The following RB1CC1 variants were observed in gnomAD, a reference collection of about 807,000 sequenced individuals.
The protein encoded by RB1CC1 is RB1-inducible coiled-coil protein 1.
In RB1CC1, 46 loss-of-function variants were observed where a neutral mutation model predicts 177.5. The ratio of observed to expected loss-of-function variants is 0.26; its 90% CI spans 0.20 to 0.33. RB1CC1 has a LOEUF of 0.33. Among genes scored for constraint, RB1CC1 ranks in the 10% least tolerant of loss-of-function variants. RB1CC1 has a pLI of 1.00. For missense variants in RB1CC1, 1,703 were observed against 1,816.3 expected (o/e 0.94, Z 1.13); for synonymous variants, 666 against 613.6 (o/e 1.09, Z -1.26).
In RB1CC1 at chr8:52,657,586, G is replaced by C. The variant is rs1851190322; in HGVS notation, c.2243C>G (p.Pro748Arg). 2 of 1,613,940 alleles carry C rather than the reference G, an allele frequency of 1.2e-6. No homozygotes were observed. Among genetic ancestry groups the C allele is most frequent in the Non-Finnish European group, 1.7e-6 (2 of 1,180,040 alleles). ...EFVIEENLSS[P>R]NPISDPQSPE... is the part of the protein sequence containing the mutation. ...GCTTTGTGGATCACTTATAGGATTA[G>C]GAGACGACAAATTTTCTTCTATTAC... Residue 748 changes from proline (P) to arginine (R), a missense_variant, in exon 15 of 24, where the codon CCT (proline) becomes CGT (arginine). Pro to Arg is a moderately radical substitution (Grantham distance 103). Coordinates refer to ENST00000025008, the MANE Select transcript of RB1CC1 (RefSeq NM_014781.5).
intron 7 of RB1CC1, among the ~76,000 whole-genome samples, chr8:52,669,461 G>C (rs1441298389): frequency 1.3e-5 from 2 of 152,032 alleles, no homozygotes; most frequent in Non-Finnish European, 2.9e-5. Flanking sequence ...TTAATGCATA[G>C]AGTCTTGTAC....
intron 1 of RB1CC1, among the ~76,000 whole-genome samples, chr8:52,689,933 A>G (rs577897370): frequency 2.0e-4 from 30 of 152,278 alleles, no homozygotes; most frequent in African/African-American, 7.2e-4. Context: ...CTCTTTCTCA[A>G]AAGAAAAAAA....
At chr8:52,674,804 G>A (rs1852946630) in intron 6 of RB1CC1, among the ~76,000 whole-genome samples, 1 of 150,572 alleles carries the variant, frequency 6.6e-6, no homozygotes, top group Non-Finnish European at 1.5e-5. Flanking sequence ...AAGTAAAGTA[G>A]CTATACTAAA....
chr8:52,683,210 ATT>A (rs1204981679), intron 5 of RB1CC1, among the ~76,000 whole-genome samples: 3 of 152,154 alleles, frequency 2.0e-5, no homozygotes, highest in African/African-American at 7.2e-5. Context: ...AAATAAATAC[ATT>A]TTTAGAGCTA....
At chr8:52,689,754 T>A (rs1288311167) in intron 1 of RB1CC1, among the ~76,000 whole-genome samples, 1 of 152,076 alleles carries the variant, frequency 6.6e-6, no homozygotes, top group Non-Finnish European at 1.5e-5. Flanking sequence ...GGGGCAGTTT[T>A]CCACGCTTAG....
chr8:52,682,556 C>T, intron 5 of RB1CC1, among the ~76,000 whole-genome samples: 1 of 151,956 alleles, frequency 6.6e-6, no homozygotes, highest in Non-Finnish European at 1.5e-5. Context: ...TTTCTTTTTA[C>T]TTTCTTGTTT....
chr8:52,700,572 G>T (rs1320189509), intron 1 of RB1CC1, among the ~76,000 whole-genome samples: 1 of 151,994 alleles, frequency 6.6e-6, no homozygotes, highest in African/African-American at 2.4e-5. Flanking sequence ...TCAGCAACAT[G>T]TTCTTAATTA....
chr8:52,668,278 G>A, intron 7 of RB1CC1, 87 bp from the exon 8 acceptor site: 1 of 1,420,512 alleles, frequency 7.0e-7, no homozygotes, highest in Non-Finnish European at 9.5e-7. Flanking sequence ...CAGCTTGAGA[G>A]AAAATAAGTG....
intron 13 of RB1CC1, among the ~76,000 whole-genome samples, chr8:52,658,510 A>G (rs1590997269): frequency 6.7e-6 from 1 of 148,828 alleles, no homozygotes; most frequent in Non-Finnish European, 1.5e-5. Context: ...ATGGGAGGTG[A>G]AGGTTGCAGT....
rs1851138094 is a variant in RB1CC1 at position 52,657,017 on chromosome 8, C to T, written c.2812G>A (p.Glu938Lys). The T allele has an allele frequency of 1.2e-6, 2 of 1,613,500 alleles. No homozygotes were observed. The highest frequency in any genetic ancestry group is 2.2e-5 in the East Asian group (1 of 44,850). ...NEKDQKLLEMENIMHSQNCEI... is the reference protein window; with the variant it reads ...NEKDQKLLEMKNIMHSQNCEI... ...CAATTTTGAGAGTGCATTATATTTT[C>T]CATCTCTAACAACTTCTGATCCTTT... The change falls in exon 15 of 24, where the codon GAA (glutamate) becomes AAA (lysine). Residue 938 changes from glutamate (E) to lysine (K), a missense_variant. By Grantham distance (56) the Glu-to-Lys change is moderately conservative. Coordinates refer to ENST00000025008, the MANE Select transcript of RB1CC1 (RefSeq NM_014781.5).
intron 1 of RB1CC1, among the ~76,000 whole-genome samples, chr8:52,711,691 T>A (rs900425917): frequency 6.6e-6 from 1 of 152,272 alleles, no homozygotes; most frequent in Non-Finnish European, 1.5e-5. Flanking sequence ...CTTGAATTCA[T>A]CTGTAGACCT....
intron 5 of RB1CC1, among the ~76,000 whole-genome samples, chr8:52,676,924 T>C (rs1453969908): frequency 6.6e-6 from 1 of 152,214 alleles, no homozygotes; most frequent in Non-Finnish European, 1.5e-5. Context: ...TTAAAAACAA[T>C]TTTTGGTGAA....
At chr8:52,661,863 T>G (rs2150504404) in intron 8 of RB1CC1, 144 bp from the exon 9 acceptor site, 1 of 558,440 alleles carries the variant, frequency 1.8e-6, no homozygotes, top group Non-Finnish European at 2.9e-6. Context: ...TTTTCTCGAA[T>G]GTAGTAGATG....
intron 1 of RB1CC1, among the ~76,000 whole-genome samples, chr8:52,692,868 G>A (rs976862301): frequency 6.6e-6 from 1 of 152,162 alleles, no homozygotes; most frequent in Non-Finnish European, 1.5e-5. Context: ...ATGTGACAAG[G>A]TAAGGTTTTC....
At chr8:52,675,643 G>A (rs1349741346) in intron 6 of RB1CC1, among the ~76,000 whole-genome samples, 1 of 151,398 alleles carries the variant, frequency 6.6e-6, no homozygotes, top group Non-Finnish European at 1.5e-5. Context: ...GGCCAAGGCG[G>A]GTGGATCATG....
At position 52,634,974 on chromosome 8, in the gene RB1CC1, G is replaced by A; in HGVS notation, c.4393-6C>T. 1 of 1,604,988 alleles carries A rather than the reference G, an allele frequency of 6.2e-7. No homozygotes were observed. Among genetic ancestry groups the A allele is most frequent in the South Asian group, 1.1e-5 (1 of 89,666 alleles). ...TCTTCTTTCAATTGCAATGTCTGCAGGTGGAAAAAAGAGACCTGTGGTTTA... is the reference window on the plus strand; with the variant it reads ...TCTTCTTTCAATTGCAATGTCTGCAAGTGGAAAAAAGAGACCTGTGGTTTA... On this transcript the variant is annotated splice_region_variant and splice_polypyrimidine_tract_variant and intron_variant, in intron 19 of 23. Coordinates refer to ENST00000025008, the MANE Select transcript of RB1CC1 (RefSeq NM_014781.5).
intron 1 of RB1CC1, among the ~76,000 whole-genome samples, chr8:52,703,934 T>C (rs1856324680): frequency 6.6e-6 from 1 of 152,182 alleles, no homozygotes; most frequent in African/African-American, 2.4e-5. Context: ...ACACTGTCGC[T>C]ATTTATTCAC....
rs764001562 is a variant in RB1CC1, at chr8:52,657,516, C to T, written c.2313G>A (p.Ala771=). 1.8e-5 allele frequency: 29 copies of T among 1,613,790 alleles called. No homozygotes were observed. The highest frequency in any genetic ancestry group is 3.3e-5 in the Admixed American group (2 of 59,998). Residue 771 remains alanine (A), a synonymous_variant, in exon 15 of 24, where the codon GCG becomes GCA. Coordinates refer to ENST00000025008, the MANE Select transcript of RB1CC1 (RefSeq NM_014781.5). ...TATCCTGCATTCGTCTACTGTCTAT[C>T]GCATTGATAACTGATGAATAAAGTG... ...VESLYSSVIN[A]IDSRRMQDTN... is the part of the protein sequence containing the mutation.
intron 15 of RB1CC1, among the ~76,000 whole-genome samples, chr8:52,648,784 T>C (rs1362945948): frequency 6.6e-6 from 1 of 152,214 alleles, no homozygotes; most frequent in Non-Finnish European, 1.5e-5. Flanking sequence ...ATCTTTGCAA[T>C]CTCAGCATTT....
Sources: allele counts gnomAD v4.1 joint callset (sites outside exome capture counted in the v4.1 genomes callset), GRCh38; gene constraint gnomAD v4.1.1; transcripts MANE v1.5; gene names NCBI Gene and HGNC (gene_info 2026-07-23, HGNC 2026-07-21).